Variants in GMEB1 observed in about 807,000 individuals in gnomAD.
GMEB1 encodes the protein glucocorticoid modulatory element-binding protein 1.
A neutral mutation model predicts 52.4 loss-of-function variants in GMEB1; 6 were observed. That is an observed-to-expected ratio of 0.11 (90% CI 0.06 to 0.23). The LOEUF (loss-of-function observed/expected upper bound fraction) is 0.23, where lower values mean the gene tolerates loss of function less well. GMEB1 is among the 10% of genes least tolerant of loss of function. GMEB1 has a pLI of 1.00. For missense variants in GMEB1, 486 were observed against 685.6 expected, an observed-to-expected ratio of 0.71 and a Z score of 3.25; for synonymous variants, 255 against 244.9, an observed-to-expected ratio of 1.04 and a Z score of -0.38.
At position 28,714,932 on chromosome 1, in the gene GMEB1, C is replaced by A; in HGVS notation, c.*159C>A. On this transcript the variant is annotated 3_prime_UTR_variant, in exon 10 of 10. Coordinates refer to ENST00000373816, the MANE Select transcript of GMEB1 (RefSeq NM_001319674.2). ...TGAAAATGTTGGGTTCTTCCCACTC[C>A]CTCATTGAAAAATGGACAAAACAAG... 1.6e-6 allele frequency: 1 copy of A among 609,176 alleles called. No homozygotes were observed. The highest frequency in any genetic ancestry group is 2.8e-6 in the Non-Finnish European group (1 of 354,888). The allele number at this position is 609,176 out of a possible 1,614,324, so 37.7% of individuals were successfully genotyped here.
chr1:28,689,974 C>A, intron 2 of GMEB1, 130 bp from the exon 3 acceptor site: 1 of 577,614 alleles, frequency 1.7e-6, no homozygotes, highest in Non-Finnish European at 3.0e-6. Flanking sequence ...GGAAACTAGT[C>A]AGAGTTATAA....
At chr1:28,702,068 TC>T (rs1354471773) in intron 6 of GMEB1, among the ~76,000 whole-genome samples, 1 of 152,068 alleles carries the variant, frequency 6.6e-6, no homozygotes, top group Non-Finnish European at 1.5e-5. Flanking sequence ...TTTCAAGCTT[TC>T]TTCACCCTCA....
At chr1:28,676,730 A>T (rs6665816) in intron 1 of GMEB1, among the ~76,000 whole-genome samples, 12,294 of 151,414 alleles carry the variant, frequency 0.081, 588 homozygotes, top group Middle Eastern at 0.16. Context: ...GTCTCAAAAA[A>T]AAATAAATAA....
chr1:28,705,740 C>T (rs886569562), intron 8 of GMEB1, among the ~76,000 whole-genome samples: 6 of 151,666 alleles, frequency 4.0e-5, no homozygotes, highest in South Asian at 2.1e-4. Context: ...CATGAGCCAC[C>T]GCGCCCAGCC....
At position 28,716,267 on chromosome 1, in the gene GMEB1, CTG is replaced by C. The variant is rs1317232485; in HGVS notation, c.*1497_*1498del. ...GATGTAAATGGCTCTGGTTCTTAGACTGTGGCTGTCACAGGGATGGGGCTCCA... is the reference window on the plus strand; with the variant it reads ...GATGTAAATGGCTCTGGTTCTTAGACTGGCTGTCACAGGGATGGGGCTCCA... On this transcript the variant is annotated 3_prime_UTR_variant, in exon 10 of 10. Transcript: ENST00000373816. The C allele has an allele frequency of 6.6e-6, 1 of 152,196 alleles. No homozygotes were observed. The highest frequency in any genetic ancestry group is 1.5e-5 in the Non-Finnish European group (1 of 68,044). The allele number at this position is 152,196 out of a possible 1,614,324, so 9.4% of individuals were successfully genotyped here.
chr1:28,707,539 G>A (rs1240252035), intron 8 of GMEB1, among the ~76,000 whole-genome samples: 1 of 152,118 alleles, frequency 6.6e-6, no homozygotes, highest in Non-Finnish European at 1.5e-5. Context: ...TGGATTGGAG[G>A]CAGGATGAAA....
chr1:28,691,540 G>A, intron 3 of GMEB1, 45 bp from the exon 4 acceptor site: 2 of 1,409,144 alleles, frequency 1.4e-6, no homozygotes. Flanking sequence ...TTCAGCTTTG[G>A]GGAAGAGTTG....
intron 2 of GMEB1, among the ~76,000 whole-genome samples, chr1:28,688,033 C>A (rs1669769011): frequency 6.6e-6 from 1 of 152,038 alleles, no homozygotes; most frequent in Non-Finnish European, 1.5e-5. Context: ...GCCTGTAATC[C>A]CAGCACTTTG....
chr1:28,686,457 C>T (rs1458918363), intron 2 of GMEB1, among the ~76,000 whole-genome samples: 2 of 151,714 alleles, frequency 1.3e-5, no homozygotes, highest in South Asian at 2.1e-4. Flanking sequence ...GGTGAAACCC[C>T]GTCTCTACTA....
In GMEB1 at chr1:28,704,280, A is replaced by G; in HGVS notation, c.819A>G (p.Leu273=). 6.2e-7 allele frequency: 1 copy of G among 1,613,806 alleles called. No homozygotes were observed. Among genetic ancestry groups the G allele is most frequent in the Non-Finnish European group, 8.5e-7 (1 of 1,179,870 alleles). The change falls in exon 8 of 10, where the codon CTA becomes CTG. Residue 273 remains leucine, a synonymous_variant. Coordinates refer to ENST00000373816, the MANE Select transcript of GMEB1 (RefSeq NM_001319674.2). The part of the protein sequence containing the change: ...VCNIQKEIEE[L]LRGVQQRLIQ... ...ATATACAGAAGGAAATAGAGGAGCTACTCAGGGGAGTTCAGCAGCGGCTCA... is the reference window on the plus strand; with the variant it reads ...ATATACAGAAGGAAATAGAGGAGCTGCTCAGGGGAGTTCAGCAGCGGCTCA...
intron 6 of GMEB1, among the ~76,000 whole-genome samples, chr1:28,697,895 T>A (rs945467603): frequency 6.6e-6 from 1 of 151,866 alleles, no homozygotes; most frequent in Non-Finnish European, 1.5e-5. Context: ...ATCCCAGCAC[T>A]TTGGGAGGCT....
At chr1:28,671,635 T>G (rs952188695) in intron 1 of GMEB1, among the ~76,000 whole-genome samples, 5 of 151,634 alleles carry the variant, frequency 3.3e-5, no homozygotes, top group African/African-American at 1.2e-4. Flanking sequence ...TCCCAGCTAC[T>G]CTGGAGGCTT....
chr1:28,678,213 AGAAAG>A (rs1317282270), intron 1 of GMEB1, among the ~76,000 whole-genome samples: 1 of 151,898 alleles, frequency 6.6e-6, no homozygotes, highest in African/African-American at 2.4e-5. Context: ...AGAAAGGAGA[AGAAAG>A]GAAGAAGCTC....
chr1:28,685,679 G>A (rs1015403377), intron 2 of GMEB1, among the ~76,000 whole-genome samples: 2 of 152,000 alleles, frequency 1.3e-5, no homozygotes, highest in African/African-American at 4.8e-5. Context: ...TCTTGTTTAC[G>A]GCCAGTCATA....
intron 2 of GMEB1, among the ~76,000 whole-genome samples, 176 bp downstream of exon 2, chr1:28,683,916 T>C (rs929535414): frequency 4.6e-5 from 7 of 152,212 alleles, no homozygotes; most frequent in African/African-American, 1.7e-4. Context: ...TTAATACTTA[T>C]TACCAACAGT....
intron 8 of GMEB1, among the ~76,000 whole-genome samples, chr1:28,707,730 T>C (rs767242054): frequency 1.6e-4 from 25 of 152,094 alleles, no homozygotes; most frequent in Non-Finnish European, 3.1e-4. Flanking sequence ...CTCATCTAGA[T>C]AGAAGTATGA....
intron 8 of GMEB1, among the ~76,000 whole-genome samples, chr1:28,705,872 C>T (rs1179144364): frequency 3.3e-5 from 5 of 150,076 alleles, no homozygotes; most frequent in East Asian, 2.0e-4. Flanking sequence ...TTCTCATATT[C>T]GGCCGGGCGC....
At position 28,708,526 on chromosome 1, in the gene GMEB1, A is replaced by G. The variant is rs567030782; in HGVS notation, c.869-1994A>G. Among the ~76,000 whole-genome samples the G allele has an allele frequency of 1.6e-4, 24 of 151,652 alleles. No individual in the cohort carries two copies. In the East Asian group the frequency reaches 4.7e-3, roughly 30 times the overall value. On this transcript the variant is annotated intron_variant, in intron 8 of 9. Coordinates refer to ENST00000373816, the MANE Select transcript of GMEB1 (RefSeq NM_001319674.2). ...TCCCAGGCTGGAGTGCAGTGGTGCA[A>G]TCTCGGCTCACTGCAACCTCTGCTT...
At chr1:28,675,174 C>T (rs1303627330) in intron 1 of GMEB1, among the ~76,000 whole-genome samples, 4 of 151,760 alleles carry the variant, frequency 2.6e-5, no homozygotes, top group Middle Eastern at 3.4e-3. Context: ...TGCGCTACCA[C>T]GCTGAGCTAA....
Sources: gnomAD v4.1 joint callset for allele counts (sites outside exome capture counted in the v4.1 genomes callset) on GRCh38, gnomAD v4.1.1 for gene constraint, MANE v1.5 for transcripts, NCBI Gene and HGNC (gene_info 2026-07-23, HGNC 2026-07-21) for gene names.